Variants in ANO2 observed in about 807,000 individuals in gnomAD.
ANO2 encodes anoctamin-2.
Under a neutral mutation model 124.2 loss-of-function variants are expected in ANO2, and 101 were observed. The observed-to-expected ratio is 0.81, with a 90% confidence interval of 0.69 to 0.96. The LOEUF (loss-of-function observed/expected upper bound fraction) is 0.96. ANO2 is among the 40% of genes least tolerant of loss of function. ANO2 has a pLI of 0.00. For missense variants in ANO2, 1,293 were observed against 1,274.5 expected, an observed-to-expected ratio of 1.01 and a Z score of -0.22; for synonymous variants, 486 against 482.5, an observed-to-expected ratio of 1.01 and a Z score of -0.09.
intron 7 of ANO2, among the ~76,000 whole-genome samples, chr12:5,820,730 C>T (rs1302718748): frequency 3.9e-5 from 6 of 152,158 alleles, no homozygotes. Context: ...CCACCACATC[C>T]CTCTTCAACT....
At chr12:5,723,617 C>G (rs866887421) in intron 14 of ANO2, among the ~76,000 whole-genome samples, 84 of 1,490 alleles carry the variant, frequency 0.056, no homozygotes, top group African/African-American at 0.23. Context: ...AGGGGCAGGG[C>G]GGGTGGGGGG....
At chr12:5,818,805 A>G (rs1953695242) in intron 7 of ANO2, among the ~76,000 whole-genome samples, 1 of 152,126 alleles carries the variant, frequency 6.6e-6, no homozygotes, top group South Asian at 2.1e-4. Context: ...GTGACTCTGT[A>G]CATAATACCT....
rs905875400 is a variant in ANO2 at position 5,787,567 on chromosome 12, T to C, written c.1055+11940A>G. ...TTCCTCTTCTGTATAATGAGGATGATAGTATCGATCTCGACGGGGTGTTGT... is the reference window on the plus strand; with the variant it reads ...TTCCTCTTCTGTATAATGAGGATGACAGTATCGATCTCGACGGGGTGTTGT... On this transcript the variant is annotated intron_variant, in intron 10 of 24. Coordinates refer to ENST00000682330, the MANE Select transcript of ANO2 (RefSeq NM_001364791.2). This position sits in a 1 kb window ranked among gnomAD's most constrained non-coding sequence, Gnocchi z 4.2. 8.5e-5 allele frequency among the ~76,000 whole-genome samples: 13 copies of C among 152,200 alleles called. No homozygotes were observed. Among genetic ancestry groups the C allele is most frequent in the African/African-American group, 2.9e-4 (12 of 41,444 alleles).
chr12:5,579,766 C>T (rs1942635830), intron 20 of ANO2, among the ~76,000 whole-genome samples: 1 of 152,218 alleles, frequency 6.6e-6, no homozygotes, highest in Non-Finnish European at 1.5e-5. Flanking sequence ...TAGCATCTCC[C>T]CAGCAACGAC....
At position 5,607,542 on chromosome 12, in the gene ANO2, C is replaced by T. The variant is rs1464548297; in HGVS notation, c.2087+5114G>A. Among the ~76,000 whole-genome samples the T allele has an allele frequency of 6.6e-5, 10 of 152,202 alleles. No homozygotes were observed. The East Asian group carries it at 1.7e-3, about 26-fold the overall frequency. On this transcript the variant is annotated intron_variant, in intron 19 of 24. Transcript: ENST00000682330. ...ATCTGGTAGGCCAGGGATCCCCAAT[C>T]CCTGGGCCACAGACCAGTACCCGTC... is the stretch of plus-strand genomic sequence containing the variant.
intron 11 of ANO2, among the ~76,000 whole-genome samples, chr12:5,746,649 G>A (rs2137086027): frequency 6.6e-6 from 1 of 152,240 alleles, no homozygotes; most frequent in South Asian, 2.1e-4. Context: ...TTGATAAACG[G>A]CTTGACAGTC....
intron 14 of ANO2, among the ~76,000 whole-genome samples, chr12:5,651,996 ATCTGAGGGATG>A (rs1407935188): frequency 6.6e-6 from 1 of 152,168 alleles, no homozygotes; most frequent in Non-Finnish European, 1.5e-5. Flanking sequence ...TCCTTTCACT[ATCTGAGGGATG>A]TTTGAATTGT....
chr12:5,776,409 C>A (rs1425794806), intron 10 of ANO2, among the ~76,000 whole-genome samples: 2 of 152,204 alleles, frequency 1.3e-5, no homozygotes. Flanking sequence ...ATTGAAAGTA[C>A]CTCAAGGACT....
intron 14 of ANO2, among the ~76,000 whole-genome samples, chr12:5,725,124 C>T (rs73048223): frequency 0.016 from 2,416 of 148,432 alleles, 47 homozygotes; most frequent in African/African-American, 0.049. Context: ...CACACACACA[C>T]GCAAACACAA....
rs201785753 is a variant in ANO2 at position 5,922,775 on chromosome 12, G to T, written c.52C>A (p.Arg18=). The T allele has an allele frequency of 1.4e-5, 21 of 1,543,036 alleles. No homozygotes were observed. The highest frequency in any genetic ancestry group is 1.7e-5 in the Non-Finnish European group (20 of 1,145,474). The change falls in exon 2 of 25, where the codon CGG becomes AGG. Residue 18 remains arginine, a synonymous_variant. Transcript: ENST00000682330. ...DIPLLPGSPR[R]LSPQAGSRGG... ...CTGGACCCTGCCTGAGGGCTCAGCC[G>T]GCGTGGGGAGCCAGGGAGCAGGGGT...
At chr12:5,939,441 G>C (rs1368438895) in intron 1 of ANO2, among the ~76,000 whole-genome samples, 1 of 152,096 alleles carries the variant, frequency 6.6e-6, no homozygotes, top group African/African-American at 2.4e-5. Context: ...AGATGAGTTA[G>C]ATCCATCCTC....
intron 3 of ANO2, among the ~76,000 whole-genome samples, chr12:5,919,790 C>T (rs1387439213): frequency 6.6e-6 from 1 of 152,048 alleles, no homozygotes; most frequent in Non-Finnish European, 1.5e-5. Flanking sequence ...CTCTGCCTCC[C>T]AGGTTCATGC....
intron 19 of ANO2, among the ~76,000 whole-genome samples, chr12:5,603,962 A>AAAG (rs1944083439): frequency 6.6e-6 from 1 of 151,364 alleles, no homozygotes; most frequent in Non-Finnish European, 1.5e-5. Flanking sequence ...AAAAAAAAAA[A>AAAG]AAAGAAAATG....
chr12:5,915,562 C>T (rs1163726273), intron 3 of ANO2, among the ~76,000 whole-genome samples: 1 of 152,138 alleles, frequency 6.6e-6, no homozygotes, highest in Admixed American at 6.6e-5. Flanking sequence ...TCTCCATTTG[C>T]CTTAAAGTCA....
At chr12:5,794,503 C>A (rs1952789242) in intron 10 of ANO2, among the ~76,000 whole-genome samples, 1 of 152,054 alleles carries the variant, frequency 6.6e-6, no homozygotes, top group Non-Finnish European at 1.5e-5. Context: ...AGGCTGGTTA[C>A]AAAGACACAC....
intron 1 of ANO2, among the ~76,000 whole-genome samples, chr12:5,941,701 C>T (rs903356705): frequency 2.0e-5 from 3 of 150,220 alleles, no homozygotes; most frequent in African/African-American, 7.3e-5. Flanking sequence ...CTAGATACAT[C>T]AGAGTCAAAA....
intron 3 of ANO2, chr12:5,881,639 A>T (rs956740068): frequency 6.6e-6 from 1 of 152,272 alleles, no homozygotes; most frequent in East Asian, 1.9e-4. Flanking sequence ...GTGAGAGACC[A>T]GGTTCAGGTG....
At chr12:5,789,882 T>C (rs1358234807) in intron 10 of ANO2, among the ~76,000 whole-genome samples, 5 of 152,198 alleles carry the variant, frequency 3.3e-5, no homozygotes, top group Non-Finnish European at 5.9e-5. Flanking sequence ...ACGTTTTCTG[T>C]TTATGTTGGT....
chr12:5,905,412 A>T (rs1158672130), intron 3 of ANO2, among the ~76,000 whole-genome samples: 1 of 152,208 alleles, frequency 6.6e-6, no homozygotes, highest in East Asian at 1.9e-4. Flanking sequence ...TGTTCCTAGC[A>T]CAGTAGAAGC....
Sources: gnomAD v4.1 joint callset for allele counts (sites outside exome capture counted in the v4.1 genomes callset) on GRCh38, gnomAD v4.1.1 for gene constraint, Gnocchi (gnomAD v3.1) non-coding constraint, MANE v1.5 for transcripts, NCBI Gene and HGNC (gene_info 2026-07-23, HGNC 2026-07-21) for gene names.